The following ITGA2 variants were observed in gnomAD, a reference collection of about 807,000 sequenced individuals.
The protein encoded by ITGA2 is integrin subunit alpha 2.
ITGA2 carries 101 observed loss-of-function variants against 146.3 expected under a neutral mutation model. The observed-to-expected ratio is 0.69, with a 90% CI of 0.59 to 0.81. ITGA2 has a LOEUF of 0.81. Ranked by LOEUF, ITGA2 falls within the 40% of genes least tolerant of loss-of-function variation. ITGA2 has a pLI of 0.00. For synonymous variants in ITGA2, 477 were observed against 487.1 expected (o/e 0.98, Z 0.27); for missense variants, 1,281 against 1,402.7 (o/e 0.91, Z 1.39).
At chr5:53,048,573 C>G (rs1744203064) in intron 5 of ITGA2, 70 bp from the exon 6 acceptor site, 1 of 1,612,778 alleles carries the variant, frequency 6.2e-7, no homozygotes, top group Non-Finnish European at 8.5e-7. Flanking sequence ...CTCCTTAAGT[C>G]TCATTTTTAT....
intron 23 of ITGA2, among the ~76,000 whole-genome samples, chr5:53,077,572 C>T (rs938924019): frequency 7.2e-5 from 11 of 152,170 alleles, no homozygotes; most frequent in African/African-American, 2.6e-4. Context: ...GGATCTCACA[C>T]AAAGATCTTC....
At chr5:53,077,296 G>A (rs79413733) in intron 23 of ITGA2, among the ~76,000 whole-genome samples, 2,677 of 151,900 alleles carry the variant, frequency 0.018, 87 homozygotes, top group Admixed American at 0.079. Flanking sequence ...AAACATCTTT[G>A]CAAACTTTTG....
intron 7 of ITGA2, among the ~76,000 whole-genome samples, chr5:53,054,064 T>A (rs1428920140): frequency 6.6e-6 from 1 of 152,156 alleles, no homozygotes; most frequent in Non-Finnish European, 1.5e-5. Context: ...TTTCTATGTT[T>A]CTATAGTCTA....
In ITGA2 at chr5:53,089,960, A is replaced by G; in HGVS notation, c.3363A>G (p.Ile1121Met). 3.1e-6 allele frequency: 5 copies of G among 1,605,014 alleles called. No homozygotes were observed. The highest frequency in any genetic ancestry group is 4.3e-6 in the Non-Finnish European group (5 of 1,171,672). The stretch of plus-strand genomic sequence containing the variant: ...GACATTTCCAGATTCCCCTGATGAT[A>G]ATGAAACCTGATGAGAAAGCCGAAG... ...EDNTVTIPLMIMKPDEKAEVP... is the reference protein window; with the variant it reads ...EDNTVTIPLMMMKPDEKAEVP... The change falls in exon 29 of 30, where the codon ATA (isoleucine) becomes ATG (methionine). Residue 1121 changes from isoleucine (I) to methionine (M), a missense_variant. Ile to Met is a conservative substitution (Grantham distance 10). Coordinates refer to ENST00000296585, the MANE Select transcript of ITGA2 (RefSeq NM_002203.4).
chr5:53,046,362 A>C (rs190885176), intron 4 of ITGA2, among the ~76,000 whole-genome samples: 241 of 152,074 alleles, frequency 1.6e-3, no homozygotes, highest in African/African-American at 5.6e-3. Flanking sequence ...TTACTAATGG[A>C]TATTATTATT....
chr5:52,996,647 T>C (rs3212392), intron 1 of ITGA2, among the ~76,000 whole-genome samples: 14,096 of 152,264 alleles, frequency 0.093, 857 homozygotes, highest in East Asian at 0.21. Flanking sequence ...GTTTCAAACA[T>C]CTTTTCACAC....
At chr5:53,048,530 G>A (rs1189738015) in intron 5 of ITGA2, 53 bp downstream of exon 5, 4 of 1,608,288 alleles carry the variant, frequency 2.5e-6, no homozygotes, top group Non-Finnish European at 3.4e-6. Context: ...TTAAAGGAGG[G>A]GGAAAAGGTT....
chr5:53,081,497 C>A (rs1174742433), intron 25 of ITGA2, 95 bp from the exon 26 acceptor site: 4 of 930,328 alleles, frequency 4.3e-6, no homozygotes, highest in Non-Finnish European at 5.2e-6. Flanking sequence ...CCTTCCCAGA[C>A]CCCTACAAGT....
chr5:53,056,040 A>G lies in ITGA2; in HGVS notation c.987A>G (p.Ile329Met). 1 of 1,610,110 alleles carries G rather than the reference A, an allele frequency of 6.2e-7. No homozygotes were observed. Among genetic ancestry groups the G allele is most frequent in the Non-Finnish European group, 8.5e-7 (1 of 1,177,942 alleles). The change falls in exon 9 of 30, where the codon ATA becomes ATG. Residue 329 changes from isoleucine (I) to methionine (M), a missense_variant. By Grantham distance (10) the Ile-to-Met change is conservative. Coordinates refer to ENST00000296585, the MANE Select transcript of ITGA2 (RefSeq NM_002203.4). ...ALDTKNLIKE[I>M]KAIASIPTER... is the part of the protein sequence containing the mutation. ...ATACTAAAAATTTAATAAAAGAAATAAAAGCAATCGCTAGTATTCCAACAG... is the reference window on the plus strand; with the variant it reads ...ATACTAAAAATTTAATAAAAGAAATGAAAGCAATCGCTAGTATTCCAACAG...
At chr5:53,082,425 T>C (rs915673862) in intron 26 of ITGA2, among the ~76,000 whole-genome samples, 6 of 152,218 alleles carry the variant, frequency 3.9e-5, no homozygotes, top group Non-Finnish European at 5.9e-5. Flanking sequence ...TGTATTAATC[T>C]ACAAGTAGGT....
chr5:53,053,155 C>T (rs1744463531), intron 7 of ITGA2, among the ~76,000 whole-genome samples: 1 of 152,122 alleles, frequency 6.6e-6, no homozygotes, highest in Admixed American at 6.6e-5. Context: ...GGTCAGTGGC[C>T]ACATCCTGTC....
Position 53,026,805 on chromosome 5 carries a change from C to T in ITGA2, c.122C>T (p.Ser41Phe), listed in dbSNP as rs764368600. Residue 41 changes from serine to phenylalanine, a missense_variant, in exon 2 of 30, where the codon TCC becomes TTC. Around this residue, in one of 3 missense-constraint regions of ITGA2, gnomAD observed 795 missense variants for 841.7 expected, o/e 0.94. Coordinates refer to ENST00000296585, the MANE Select transcript of ITGA2 (RefSeq NM_002203.4). Reference sequence around the variant, plus strand: ...GGTCTCCCAGAAGCAAAAATATTTTCCGGTCCTTCAAGTGAACAGTTTGGC... The same window carrying T: ...GGTCTCCCAGAAGCAAAAATATTTTTCGGTCCTTCAAGTGAACAGTTTGGC... ...NVGLPEAKIF[S>F]GPSSEQFGYA... The T allele has an allele frequency of 6.2e-7, 1 of 1,613,324 alleles. No homozygotes were observed. The highest frequency in any genetic ancestry group is 1.7e-5 in the Admixed American group (1 of 59,998).
intron 2 of ITGA2, among the ~76,000 whole-genome samples, chr5:53,031,007 G>A (rs1300346474): frequency 2.0e-5 from 3 of 152,208 alleles, no homozygotes; most frequent in African/African-American, 7.2e-5. Flanking sequence ...GTGCTAGAGT[G>A]GGCCATGTTA....
chr5:53,087,065 G>A, intron 28 of ITGA2, 24 bp downstream of exon 28: 1 of 1,544,152 alleles, frequency 6.5e-7, no homozygotes, highest in East Asian at 2.3e-5. Context: ...ACCCTTCCCT[G>A]TGAGCCTCAG....
intron 2 of ITGA2, among the ~76,000 whole-genome samples, chr5:53,027,522 A>C (rs1743008901): frequency 6.6e-6 from 1 of 152,244 alleles, no homozygotes; most frequent in Admixed American, 6.5e-5. Context: ...GGAGATGGAA[A>C]TCTAGTTCCC....
Position 53,023,501 on chromosome 5 carries a change from AT to A in ITGA2, c.65-3239del, listed in dbSNP as rs577116990. On this transcript the variant is annotated intron_variant, in intron 1 of 29. Coordinates refer to ENST00000296585, the MANE Select transcript of ITGA2 (RefSeq NM_002203.4). ...TTTAACACTTATACATTTTGATGCC[AT>A]TTTTTTTAGTAAAATTACCATAATG... Among the ~76,000 whole-genome samples the A allele has an allele frequency of 6.9e-3, 1,051 of 152,010 alleles. 12 individuals carry two copies. Among genetic ancestry groups the A allele is most frequent in the African/African-American group, 0.023 (940 of 41,442 alleles).
chr5:53,074,055 T>C (rs1175431007), intron 20 of ITGA2, among the ~76,000 whole-genome samples: 2 of 150,712 alleles, frequency 1.3e-5, no homozygotes, highest in African/African-American at 4.9e-5. Flanking sequence ...GAGAAGAACA[T>C]ATTCCTAAAG....
rs1467355277 is a variant in ITGA2 at position 53,086,970 on chromosome 5, C to T, written c.3277C>T (p.Gln1093Ter). The T allele has an allele frequency of 6.2e-7, 1 of 1,613,436 alleles. No individual in the cohort carries two copies. Among genetic ancestry groups the T allele is most frequent in the South Asian group, 1.1e-5 (1 of 91,074 alleles). ...TFASSTFQTV[Q>*]LTAAAEINTY... Reference sequence around the variant, plus strand: ...GTTCCAGTCAACGTTCCAGACAGTACAGCTAACGGCAGCTGCAGAAATCAA... The same window carrying T: ...GTTCCAGTCAACGTTCCAGACAGTATAGCTAACGGCAGCTGCAGAAATCAA... Residue 1093 changes from glutamine (Q) to a stop codon, truncating the protein, a stop_gained, in exon 28 of 30, where the codon CAG becomes TAG. Coordinates refer to ENST00000296585, the MANE Select transcript of ITGA2 (RefSeq NM_002203.4). LOFTEE classifies it high-confidence loss of function.
At chr5:53,075,018 G>T in intron 21 of ITGA2, 43 bp from the exon 22 acceptor site, 1 of 1,313,422 alleles carries the variant, frequency 7.6e-7, no homozygotes. Context: ...TGGCCTCTGA[G>T]TATGAAGCAT....
Sources: gnomAD v4.1 joint callset for allele counts (sites outside exome capture counted in the v4.1 genomes callset) on GRCh38, gnomAD v4.1.1 for gene constraint, gnomAD v4.1.1 regional missense constraint, MANE v1.5 for transcripts, NCBI Gene and HGNC (gene_info 2026-07-23, HGNC 2026-07-21) for gene names.